The following AFG2A variants were observed in gnomAD, a reference collection of about 807,000 sequenced individuals.
AFG2A encodes the protein ATPase family gene 2 protein homolog A.
the AFG2A span, among the ~76,000 whole-genome samples, chr4:123,121,384 A>C: frequency 6.6e-6 from 1 of 152,142 alleles, no homozygotes; most frequent in African/African-American, 2.4e-5. Flanking sequence ...AGTGTACAGT[A>C]ATGTCCTGGG....
chr4:123,119,066 C>T, the AFG2A span, among the ~76,000 whole-genome samples: 1 of 152,046 alleles, frequency 6.6e-6, no homozygotes, highest in Admixed American at 6.6e-5. Flanking sequence ...TACAGCTGTT[C>T]TGCCAAACCA....
the AFG2A span, among the ~76,000 whole-genome samples, chr4:123,100,379 A>T: frequency 2.0e-5 from 3 of 152,012 alleles, no homozygotes; most frequent in Admixed American, 2.0e-4. Flanking sequence ...TTTATTTTTT[A>T]AAACTGTTAG....
the AFG2A span, among the ~76,000 whole-genome samples, chr4:123,240,480 A>T: frequency 6.6e-6 from 1 of 152,234 alleles, no homozygotes; most frequent in Non-Finnish European, 1.5e-5. Flanking sequence ...AAACTCACTC[A>T]AAACCGCACA....
At chr4:123,160,285 A>G in the AFG2A span, among the ~76,000 whole-genome samples, 1 of 152,212 alleles carries the variant, frequency 6.6e-6, no homozygotes, top group Admixed American at 6.5e-5. Flanking sequence ...GGGGTGGAGT[A>G]CAGACCTGCC....
chr4:123,083,898 T>A, the AFG2A span, among the ~76,000 whole-genome samples: 2 of 152,156 alleles, frequency 1.3e-5, no homozygotes, highest in African/African-American at 4.8e-5. Context: ...TGTAATTTTT[T>A]CCTTAAATGT....
chr4:123,267,577 C>T, the AFG2A span, among the ~76,000 whole-genome samples: 2 of 151,994 alleles, frequency 1.3e-5, no homozygotes, highest in East Asian at 3.9e-4. Flanking sequence ...CAAAATTAGC[C>T]TTTTGGCATA....
the AFG2A span, among the ~76,000 whole-genome samples, chr4:122,985,990 T>C: frequency 2.0e-5 from 3 of 151,940 alleles, no homozygotes; most frequent in Non-Finnish European, 4.4e-5. Flanking sequence ...GTCATTCAGT[T>C]CGAAGAATTT....
At chr4:123,041,315 G>A in the AFG2A span, among the ~76,000 whole-genome samples, 3 of 137,064 alleles carry the variant, frequency 2.2e-5, no homozygotes, top group East Asian at 2.1e-4. Context: ...TAGAGACGGG[G>A]TTTCACCGTG....
chr4:123,099,893 T>C, the AFG2A span, among the ~76,000 whole-genome samples: 4 of 151,842 alleles, frequency 2.6e-5, no homozygotes, highest in African/African-American at 9.7e-5. Flanking sequence ...TTTAGCAACA[T>C]TGGGATTTTC....
the AFG2A span, among the ~76,000 whole-genome samples, chr4:123,055,722 A>T: frequency 6.6e-6 from 1 of 152,136 alleles, no homozygotes; most frequent in African/African-American, 2.4e-5. Flanking sequence ...ACACACAGAG[A>T]GAGGGAGAGA....
the AFG2A span, among the ~76,000 whole-genome samples, chr4:123,026,141 GTGTC>G: frequency 1.1e-4 from 16 of 150,694 alleles, no homozygotes; most frequent in East Asian, 3.9e-4. Flanking sequence ...GTGTGTATGT[GTGTC>G]TGTCTGTCTG....
At chr4:122,936,593 C>T in the AFG2A span, among the ~76,000 whole-genome samples, 1 of 152,170 alleles carries the variant, frequency 6.6e-6, no homozygotes, top group African/African-American at 2.4e-5. Flanking sequence ...GCCTGTAATA[C>T]CATCACTTTG....
chr4:122,965,102 A>G, the AFG2A span, among the ~76,000 whole-genome samples: 1 of 152,202 alleles, frequency 6.6e-6, no homozygotes, highest in Non-Finnish European at 1.5e-5. Flanking sequence ...TTAGAATTTA[A>G]ATATGAGATC....
chr4:123,116,629 G>T, the AFG2A span, among the ~76,000 whole-genome samples: 1 of 152,178 alleles, frequency 6.6e-6, no homozygotes, highest in Non-Finnish European at 1.5e-5. Flanking sequence ...TTTCCAAATA[G>T]CTACATTGAT....
chr4:123,029,093 G>A, the AFG2A span, among the ~76,000 whole-genome samples: 3 of 152,130 alleles, frequency 2.0e-5, no homozygotes, highest in African/African-American at 7.2e-5. Context: ...TTCAGAAAAG[G>A]CACATGATCA....
At chr4:123,310,400 C>T in the AFG2A span, among the ~76,000 whole-genome samples, 1 of 152,136 alleles carries the variant, frequency 6.6e-6, no homozygotes, top group Non-Finnish European at 1.5e-5. Context: ...CAATGTAATC[C>T]GTGTTTTCTT....
At chr4:123,007,662 C>CAT in the AFG2A span, among the ~76,000 whole-genome samples, 3 of 79,346 alleles carry the variant, frequency 3.8e-5, no homozygotes, top group Admixed American at 4.1e-4. Context: ...CACACACACA[C>CAT]ACACATATAT....
At chr4:123,284,729 C>T in the AFG2A span, among the ~76,000 whole-genome samples, 1 of 152,080 alleles carries the variant, frequency 6.6e-6, no homozygotes, top group Admixed American at 6.6e-5. Flanking sequence ...GTTATAGTTG[C>T]AATTGTTGGG....
the AFG2A span, among the ~76,000 whole-genome samples, chr4:123,139,338 C>T: frequency 2.6e-5 from 4 of 152,070 alleles, no homozygotes; most frequent in South Asian, 4.1e-4. Context: ...TACAGACTTC[C>T]TTTAACCAAC....
Sources: allele counts gnomAD v4.1 joint callset (sites outside exome capture counted in the v4.1 genomes callset), GRCh38; gene constraint gnomAD v4.1.1; transcripts MANE v1.5; gene names NCBI Gene and HGNC (gene_info 2026-07-23, HGNC 2026-07-21).